Variants in PSD3 observed in about 807,000 individuals in gnomAD.
PSD3 encodes the protein PH and SEC7 domain-containing protein 3.
Under a neutral mutation model 105.5 loss-of-function variants are expected in PSD3, and 49 were observed. That is an observed-to-expected ratio of 0.46 (90% CI 0.37 to 0.59). The LOEUF (loss-of-function observed/expected upper bound fraction) is 0.59. Among genes scored for constraint, PSD3 ranks in the 20% least tolerant of loss-of-function variants. The pLI, the probability that PSD3 is intolerant of heterozygous loss-of-function variation, is 0.00. For missense variants in PSD3, 1,561 were observed against 1,263.8 expected (o/e 1.24, Z -3.57); for synonymous variants, 557 against 457.8 (o/e 1.22, Z -2.77).
intron 9 of PSD3, among the ~76,000 whole-genome samples, chr8:18,732,512 G>A (rs1803836042): frequency 6.6e-6 from 1 of 152,220 alleles, no homozygotes; most frequent in African/African-American, 2.4e-5. Flanking sequence ...CTGACCTGGG[G>A]CTGGAGGATC....
At chr8:18,936,802 T>C (rs73202167) in intron 1 of PSD3, among the ~76,000 whole-genome samples, 3,848 of 152,126 alleles carry the variant, frequency 0.025, 74 homozygotes, top group Middle Eastern at 0.054. Context: ...AAACACATCA[T>C]TTTCCAACTG....
At chr8:18,673,202 CCACA>C (rs139648260) in intron 9 of PSD3, among the ~76,000 whole-genome samples, 1 of 142,810 alleles carries the variant, frequency 7.0e-6, no homozygotes, top group Non-Finnish European at 1.5e-5. Flanking sequence ...ACACACCCAT[CCACA>C]CACACACACA....
At chr8:18,965,150 C>A (rs1032896822) in intron 1 of PSD3, among the ~76,000 whole-genome samples, 1 of 152,176 alleles carries the variant, frequency 6.6e-6, no homozygotes, top group South Asian at 2.1e-4. Context: ...TCCTCCCCCA[C>A]CAATTCTGCC....
chr8:18,655,760 T>A, intron 9 of PSD3, 75 bp from the exon 10 acceptor site: 1 of 1,415,932 alleles, frequency 7.1e-7, no homozygotes, highest in Non-Finnish European at 1.0e-6. Flanking sequence ...AATGACCAAG[T>A]AATTCCTTCA....
chr8:18,566,355 T>A (rs1255610793), intron 14 of PSD3, among the ~76,000 whole-genome samples: 1 of 151,818 alleles, frequency 6.6e-6, no homozygotes, highest in Non-Finnish European at 1.5e-5. Flanking sequence ...TGAAACCTTA[T>A]CTCTACTAAA....
intron 1 of PSD3, among the ~76,000 whole-genome samples, chr8:19,060,829 A>C (rs1007214494): frequency 1.3e-5 from 2 of 152,232 alleles, no homozygotes; most frequent in Admixed American, 1.3e-4. Flanking sequence ...GAGACATGGA[A>C]GCAACCAGTC....
intron 12 of PSD3, among the ~76,000 whole-genome samples, chr8:18,579,974 T>A (rs1188221558): frequency 6.6e-6 from 1 of 152,170 alleles, no homozygotes; most frequent in East Asian, 1.9e-4. Flanking sequence ...TATGTGGAAA[T>A]TAATAAAAAT....
intron 1 of PSD3, among the ~76,000 whole-genome samples, chr8:19,005,076 C>T (rs966249020): frequency 6.6e-6 from 1 of 151,998 alleles, no homozygotes; most frequent in Non-Finnish European, 1.5e-5. Context: ...CATCATTAGT[C>T]ATTAGAGAAA....
chr8:19,036,363 T>C (rs959814913), intron 1 of PSD3, among the ~76,000 whole-genome samples: 3 of 151,996 alleles, frequency 2.0e-5, no homozygotes, highest in African/African-American at 7.3e-5. Context: ...CAACCCTAAG[T>C]CTGTCCTAGG....
At chr8:19,061,535 C>A (rs1057345891) in intron 1 of PSD3, among the ~76,000 whole-genome samples, 3 of 151,874 alleles carry the variant, frequency 2.0e-5, no homozygotes, top group East Asian at 3.9e-4. Context: ...CGGCCAGGTG[C>A]GGAGGCTCAC....
At chr8:18,744,619 AC>A (rs1191366261) in intron 9 of PSD3, among the ~76,000 whole-genome samples, 2 of 152,298 alleles carry the variant, frequency 1.3e-5, no homozygotes, top group Non-Finnish European at 1.5e-5. Context: ...TTTTAGACTT[AC>A]AAAAAGGTTG....
At chr8:18,924,407 AG>A (rs1179190967) in intron 2 of PSD3, 3 of 152,208 alleles carry the variant, frequency 2.0e-5, no homozygotes, top group African/African-American at 7.2e-5. Flanking sequence ...GAGAGTGGAA[AG>A]AAAGGAGCAA....
chr8:18,627,437 T>C (rs1468302477), intron 11 of PSD3, among the ~76,000 whole-genome samples: 1 of 152,022 alleles, frequency 6.6e-6, no homozygotes, highest in African/African-American at 2.4e-5. Context: ...ATTCAAGGCA[T>C]GGGAAAAATA....
chr8:19,002,913 C>T (rs1011990846), intron 1 of PSD3, among the ~76,000 whole-genome samples: 19 of 151,918 alleles, frequency 1.3e-4, no homozygotes, highest in African/African-American at 4.6e-4. Flanking sequence ...CCAGTTTTGC[C>T]GTTTAATAGG....
At chr8:18,683,690 G>A in intron 9 of PSD3, 1 of 710,586 alleles carries the variant, frequency 1.4e-6, no homozygotes, top group Non-Finnish European at 2.6e-6. Flanking sequence ...GTCTATCACT[G>A]CACATTAGAC....
chr8:18,800,109 G>C (rs1240317485), intron 7 of PSD3, among the ~76,000 whole-genome samples: 2 of 152,046 alleles, frequency 1.3e-5, no homozygotes, highest in South Asian at 2.1e-4. Flanking sequence ...ACAAATTCTC[G>C]AAAGTATTTT....
chr8:18,538,603 G>A (rs780701726), intron 15 of PSD3, among the ~76,000 whole-genome samples: 30 of 152,334 alleles, frequency 2.0e-4, no homozygotes, highest in Non-Finnish European at 3.5e-4. Flanking sequence ...ACGATTTCAT[G>A]AAGCTGGAGC....
At chr8:18,590,266 A>G (rs1803498472) in intron 12 of PSD3, among the ~76,000 whole-genome samples, 1 of 152,146 alleles carries the variant, frequency 6.6e-6, no homozygotes, top group African/African-American at 2.4e-5. Context: ...TGATCATCTC[A>G]GTGGTGCAAG....
chr8:18,786,576 G>A (rs1170106622), intron 8 of PSD3, among the ~76,000 whole-genome samples: 1 of 152,154 alleles, frequency 6.6e-6, no homozygotes, highest in African/African-American at 2.4e-5. Flanking sequence ...CAGCCATTAG[G>A]AAAAATAGCA....
Sources: gnomAD v4.1 joint callset for allele counts (sites outside exome capture counted in the v4.1 genomes callset) on GRCh38, gnomAD v4.1.1 for gene constraint, MANE v1.5 for transcripts, NCBI Gene and HGNC (gene_info 2026-07-23, HGNC 2026-07-21) for gene names.